The following HIPK3 variants were observed in gnomAD, a reference collection of about 807,000 sequenced individuals.
HIPK3 encodes homeodomain-interacting protein kinase 3.
In HIPK3, 47 loss-of-function variants were observed where a neutral mutation model predicts 124.2. That is an observed-to-expected ratio of 0.38 (90% CI 0.30 to 0.48). The LOEUF (loss-of-function observed/expected upper bound fraction) is 0.48, where lower values mean the gene tolerates loss of function less well. HIPK3 is among the 20% of genes least tolerant of loss of function. HIPK3 has a pLI of 0.98. For missense variants in HIPK3, 1,286 were observed against 1,454.3 expected, an observed-to-expected ratio of 0.88 and a Z score of 1.88; for synonymous variants, 482 against 515.2, an observed-to-expected ratio of 0.94 and a Z score of 0.87.
rs1300633844 is a variant in HIPK3 at position 33,356,126 on chromosome 11, C to T, written c.*2558C>T. On this transcript the variant is annotated 3_prime_UTR_variant, in exon 17 of 17. Coordinates refer to ENST00000303296, the MANE Select transcript of HIPK3 (RefSeq NM_005734.5). ...TTTTTGTTTAGGGCCATGTTTACTA[C>T]CCTGAAATGTTGTATTTTTTGTCTT... is the stretch of plus-strand genomic sequence containing the variant. 6.6e-6 allele frequency: 1 copy of T among 151,952 alleles called. No homozygotes were observed. Among genetic ancestry groups the T allele is most frequent in the Non-Finnish European group, 1.5e-5 (1 of 67,890 alleles). 9.4% of individuals were successfully genotyped at this position (151,952 alleles called of 1,614,324 possible). A position where few individuals can be genotyped will look rare whatever the true frequency, so the allele number is the denominator to read the frequency against.
intron 2 of HIPK3, among the ~76,000 whole-genome samples, chr11:33,304,434 G>A (rs760811585): frequency 2.6e-4 from 39 of 152,038 alleles, no homozygotes; most frequent in Non-Finnish European, 1.2e-4. Flanking sequence ...GCGCATGCCT[G>A]TAATCCCAGC....
intron 1 of HIPK3, among the ~76,000 whole-genome samples, chr11:33,265,342 T>C (rs746489477): frequency 7.2e-5 from 11 of 152,188 alleles, no homozygotes; most frequent in Non-Finnish European, 1.0e-4. Context: ...AAGAATAATA[T>C]TGGGTTCAAA....
chr11:33,341,222 A>G (rs906438476), intron 7 of HIPK3, 95 bp downstream of exon 7: 3 of 861,248 alleles, frequency 3.5e-6, no homozygotes, highest in Admixed American at 3.0e-5. Context: ...CAGTTGTTAG[A>G]ATGTACAGTG....
At position 33,339,549 on chromosome 11, in the gene HIPK3, G is replaced by T. The variant is rs749923424; in HGVS notation, c.1613+15G>T. The T allele has an allele frequency of 2.0e-6, 3 of 1,529,124 alleles. No homozygotes were observed. The highest frequency in any genetic ancestry group is 1.4e-5 in the African/African-American group (1 of 72,538). 94.7% of individuals were successfully genotyped at this position (1,529,124 alleles called of 1,614,324 possible). On this transcript the variant is annotated intron_variant, in intron 6 of 16. Transcript: ENST00000303296. Reference sequence around the variant, plus strand: ...CATAGCAACCAGTATGTTACTTTAAGATCTTTTAAAGTGGTTCTAAAAAAA... The same window carrying T: ...CATAGCAACCAGTATGTTACTTTAATATCTTTTAAAGTGGTTCTAAAAAAA...
At chr11:33,319,970 A>G (rs1265932249) in intron 2 of HIPK3, among the ~76,000 whole-genome samples, 6 of 152,226 alleles carry the variant, frequency 3.9e-5, no homozygotes. Flanking sequence ...TTCTAGTAAT[A>G]TGACTGTTAA....
In HIPK3 at chr11:33,348,618, A is replaced by T. The variant is rs1451356482; in HGVS notation, c.2466A>T (p.Glu822Asp). The T allele has an allele frequency of 6.2e-7, 1 of 1,614,176 alleles. No individual in the cohort carries two copies. Among genetic ancestry groups the T allele is most frequent in the Non-Finnish European group, 8.5e-7 (1 of 1,179,986 alleles). ...GKDVEEVSCI[E>D]TQDNQNSEGE... ...ATGTCGAGGAAGTAAGTTGTATAGA[A>T]ACACAGGACAATCAGAACTCAGAAG... Residue 822 changes from glutamate to aspartate, a missense_variant, in exon 13 of 17, where the codon GAA becomes GAT. Physicochemically the swap from Glu to Asp is conservative, Grantham distance 45. Transcript: ENST00000303296.
At chr11:33,273,143 G>T (rs1186916244) in intron 1 of HIPK3, among the ~76,000 whole-genome samples, 1 of 151,820 alleles carries the variant, frequency 6.6e-6, no homozygotes, top group Non-Finnish European at 1.5e-5. Flanking sequence ...ATTGTAAAGG[G>T]CCATCCTCAG....
chr11:33,287,927 T>C (rs1222228226), intron 2 of HIPK3, among the ~76,000 whole-genome samples: 1 of 152,182 alleles, frequency 6.6e-6, no homozygotes, highest in Non-Finnish European at 1.5e-5. Flanking sequence ...AGAAAAATTA[T>C]ATACAGGTTT....
chr11:33,297,609 A>G (rs564983303), intron 2 of HIPK3, among the ~76,000 whole-genome samples: 1 of 152,298 alleles, frequency 6.6e-6, no homozygotes, highest in East Asian at 1.9e-4. Flanking sequence ...AAGGTGAAGC[A>G]GCAAGGGCTG....
rs576279139 is a variant in HIPK3, at chr11:33,334,559, G to A, written c.1222-2516G>A. ...TGATCCTCTAGGTCAGGGGTGTCTA[G>A]CCTTTTGGCTTCCCTGGGCCACATT... On this transcript the variant is annotated intron_variant, in intron 3 of 16. Coordinates refer to ENST00000303296, the MANE Select transcript of HIPK3 (RefSeq NM_005734.5). 2.6e-5 allele frequency among the ~76,000 whole-genome samples: 4 copies of A among 152,066 alleles called. No individual in the cohort carries two copies. In the East Asian group the frequency reaches 7.7e-4, roughly 29 times the overall value.
intron 1 of HIPK3, chr11:33,258,205 G>GGGGCCCCCC: frequency 1.6e-6 from 1 of 642,208 alleles, no homozygotes; most frequent in Non-Finnish European, 1.9e-6. Flanking sequence ...GGGGGCCTCG[G>GGGGCCCCCC]CCCCCCCTCC....
Position 33,303,612 on chromosome 11 carries a change from T to C in HIPK3, c.1097+16101T>C, listed in dbSNP as rs950335275. 7.2e-5 allele frequency among the ~76,000 whole-genome samples: 11 copies of C among 152,330 alleles called. No homozygotes were observed. The South Asian group carries it at 2.3e-3, about 32-fold the overall frequency. On this transcript the variant is annotated intron_variant, in intron 2 of 16. Transcript: ENST00000303296. ...ATGTAATGGTATCATGGATTAGATG[T>C]CCTTCCCGACCTCACACACTTCAAA...
At chr11:33,308,735 C>CT (rs1852239123) in intron 2 of HIPK3, among the ~76,000 whole-genome samples, 1 of 99,996 alleles carries the variant, frequency 1.0e-5, no homozygotes, top group Non-Finnish European at 1.9e-5. Flanking sequence ...GCAAGTATTT[C>CT]TTTTAACTTT....
intron 1 of HIPK3, among the ~76,000 whole-genome samples, chr11:33,279,436 A>C (rs1851357393): frequency 6.6e-6 from 1 of 151,982 alleles, no homozygotes; most frequent in African/African-American, 2.4e-5. Context: ...AATAAATTGA[A>C]TATAACTTGG....
chr11:33,328,682 T>C, intron 3 of HIPK3, 49 bp downstream of exon 3: 2 of 1,561,506 alleles, frequency 1.3e-6, no homozygotes, highest in Non-Finnish European at 1.8e-6. Flanking sequence ...TAAAGAATAA[T>C]AACAGACTTA....
intron 2 of HIPK3, among the ~76,000 whole-genome samples, chr11:33,288,386 T>C (rs1377313413): frequency 1.3e-5 from 2 of 152,036 alleles, no homozygotes; most frequent in African/African-American, 4.8e-5. Context: ...ACCCAGGAGA[T>C]GGAGGTTGCA....
chr11:33,317,694 CCTT>C (rs1162339694), intron 2 of HIPK3, among the ~76,000 whole-genome samples: 1 of 152,150 alleles, frequency 6.6e-6, no homozygotes, highest in African/African-American at 2.4e-5. Flanking sequence ...AGGTGTGTAT[CCTT>C]CTATTTGCTG....
rs67183549 is a variant in HIPK3, at chr11:33,310,228, TTGTCTGTCTGTCTGTC to T, written c.1098-18248_1098-18233del. 4.5e-3 allele frequency among the ~76,000 whole-genome samples: 656 copies of T among 146,522 alleles called. 4 individuals carry two copies. Among genetic ancestry groups the T allele is most frequent in the African/African-American group, 0.014 (525 of 38,474 alleles). On this transcript the variant is annotated intron_variant, in intron 2 of 16. Transcript: ENST00000303296. ...ACTGTGGCTGGCTGGCTGGCTATCT[TTGTCTGTCTGTCTGTC>T]TGTCTGTCTGTCTGTCTGTCTGTCT... is the stretch of plus-strand genomic sequence containing the variant.
At chr11:33,344,423 C>CT (rs1396839000) in intron 8 of HIPK3, among the ~76,000 whole-genome samples, 3 of 152,094 alleles carry the variant, frequency 2.0e-5, no homozygotes, top group African/African-American at 7.2e-5. Flanking sequence ...TTTTCAGAGC[C>CT]TAGCTTCTTT....
Sources: gnomAD v4.1 joint callset for allele counts (sites outside exome capture counted in the v4.1 genomes callset) on GRCh38, gnomAD v4.1.1 for gene constraint, MANE v1.5 for transcripts, NCBI Gene and HGNC (gene_info 2026-07-23, HGNC 2026-07-21) for gene names.